Variants in MAGI2 observed in about 807,000 individuals in gnomAD.
MAGI2 encodes membrane-associated guanylate kinase, WW and PDZ domain-containing protein 2.
A neutral mutation model predicts 133.3 loss-of-function variants in MAGI2; 35 were observed. That is an observed-to-expected ratio of 0.26 (90% CI 0.20 to 0.35). MAGI2 has a LOEUF of 0.35. MAGI2 is among the 10% of genes least tolerant of loss of function. The probability of loss-of-function intolerance (pLI) is 1.00; values close to 1 mark genes in which losing one functional copy is unlikely to be tolerated. For missense variants in MAGI2, 1,636 were observed against 1,863.4 expected (o/e 0.88, Z 2.25); for synonymous variants, 729 against 710.6 (o/e 1.03, Z -0.41).
intron 5 of MAGI2, among the ~76,000 whole-genome samples, chr7:78,493,357 C>A (rs1288719228): frequency 6.6e-6 from 1 of 152,198 alleles, no homozygotes; most frequent in Non-Finnish European, 1.5e-5. Context: ...AAGCTATTTA[C>A]AGTGCAGCAC....
chr7:78,393,777 T>C (rs1437731071), intron 6 of MAGI2, among the ~76,000 whole-genome samples: 2 of 152,148 alleles, frequency 1.3e-5, no homozygotes, highest in African/African-American at 4.8e-5. Context: ...TGCACGACAT[T>C]GCCTAAGGGA....
chr7:78,467,118 C>T (rs112310881), intron 6 of MAGI2, among the ~76,000 whole-genome samples: 6,590 of 152,222 alleles, frequency 0.043, 206 homozygotes, highest in Non-Finnish European at 0.064. Flanking sequence ...CGAGGAGATG[C>T]AAACCCAGGC....
In MAGI2 at chr7:78,018,663, C is replaced by A. The variant is rs1367455959; in HGVS notation, c.*652G>T. 1 of 152,878 alleles carries A rather than the reference C, an allele frequency of 6.5e-6. No homozygotes were observed. The highest frequency in any genetic ancestry group is 1.9e-4 in the East Asian group (1 of 5,198). The allele number at this position is 152,878 out of a possible 1,614,324, so 9.5% of individuals were successfully genotyped here. A position where few individuals can be genotyped will look rare whatever the true frequency, so the allele number is the denominator to read the frequency against. On this transcript the variant is annotated 3_prime_UTR_variant, in exon 22 of 22. Coordinates refer to ENST00000354212, the MANE Select transcript of MAGI2 (RefSeq NM_012301.4). Reference sequence around the variant, plus strand: ...AGAAAGGGCAATAAAAATGGCATCACACCAAGAAACTCACTAGATTTCTAA... The same window carrying A: ...AGAAAGGGCAATAAAAATGGCATCAAACCAAGAAACTCACTAGATTTCTAA...
intron 1 of MAGI2, among the ~76,000 whole-genome samples, chr7:79,214,403 CTCTCTA>C (rs1426863772): frequency 4.3e-3 from 179 of 41,356 alleles, no homozygotes; most frequent in Admixed American, 5.6e-3. Context: ...CTCTCTCTCT[CTCTCTA>C]TATATATATA....
At chr7:79,407,134 A>G (rs1845859608) in intron 1 of MAGI2, among the ~76,000 whole-genome samples, 2 of 152,162 alleles carry the variant, frequency 1.3e-5, no homozygotes, top group South Asian at 4.1e-4. Context: ...GTAAAATGTA[A>G]TAACAGTGCA....
chr7:79,021,576 G>C (rs1809336431), intron 1 of MAGI2, among the ~76,000 whole-genome samples: 1 of 152,170 alleles, frequency 6.6e-6, no homozygotes. Context: ...CCCTTGTTTA[G>C]GCCAATTTCT....
intron 1 of MAGI2, among the ~76,000 whole-genome samples, chr7:79,372,678 C>T (rs1843121722): frequency 6.6e-6 from 1 of 152,002 alleles, no homozygotes; most frequent in Non-Finnish European, 1.5e-5. Context: ...ATTCCTGGGT[C>T]ACTGACCATC....
rs371790069 is a variant in MAGI2, at chr7:78,060,600, C to T, written c.3706+18347G>A. Among the ~76,000 whole-genome samples the T allele has an allele frequency of 4.7e-4, 71 of 152,306 alleles. 1 individual carries two copies. In the East Asian group the frequency reaches 0.012, roughly 26 times the overall value. ...AGCATGAGGGCTATGAGACTTCAGA[C>T]GACTGAGAGATCCCTTCTGATTGCC... On this transcript the variant is annotated intron_variant, in intron 21 of 21. Coordinates refer to ENST00000354212, the MANE Select transcript of MAGI2 (RefSeq NM_012301.4).
intron 1 of MAGI2, among the ~76,000 whole-genome samples, chr7:79,123,317 C>A (rs1413461089): frequency 6.6e-6 from 1 of 152,056 alleles, no homozygotes; most frequent in African/African-American, 2.4e-5. Flanking sequence ...GGAAACAGGG[C>A]TAATATGAGG....
chr7:79,081,999 C>T (rs564896032), intron 1 of MAGI2, among the ~76,000 whole-genome samples: 1 of 151,958 alleles, frequency 6.6e-6, no homozygotes, highest in South Asian at 2.1e-4. Context: ...GTGGAATTAC[C>T]GAGTCATAGG....
intron 2 of MAGI2, among the ~76,000 whole-genome samples, chr7:78,804,831 G>A (rs915956923): frequency 4.6e-5 from 7 of 151,264 alleles, no homozygotes; most frequent in Admixed American, 1.3e-4. Context: ...ACTTTGGGAA[G>A]CCGAGGCGGG....
chr7:78,065,438 G>T, intron 21 of MAGI2: 4 of 568,584 alleles, frequency 7.0e-6, no homozygotes, highest in Non-Finnish European at 9.2e-6. Context: ...TAAGGTCTGA[G>T]CTATACATAT....
At chr7:78,029,106 A>C (rs1809285872) in intron 21 of MAGI2, among the ~76,000 whole-genome samples, 1 of 152,100 alleles carries the variant, frequency 6.6e-6, no homozygotes, top group Non-Finnish European at 1.5e-5. Context: ...ATACCTGGAC[A>C]GTGCACTGTA....
rs532241070 is a variant in MAGI2, at chr7:79,297,023, T to C, written c.301+155997A>G. Among the ~76,000 whole-genome samples the C allele has an allele frequency of 4.6e-5, 7 of 152,286 alleles. No homozygotes were observed. The East Asian group carries it at 1.3e-3, about 29-fold the overall frequency. On this transcript the variant is annotated intron_variant, in intron 1 of 21. Coordinates refer to ENST00000354212, the MANE Select transcript of MAGI2 (RefSeq NM_012301.4). ...AATATGTACAATTATGTGTCAGTTA[T>C]AAATAAAGTAAAACAAAAAATAACC...
chr7:78,656,591 G>A (rs1281412534), intron 2 of MAGI2, among the ~76,000 whole-genome samples: 2 of 152,160 alleles, frequency 1.3e-5, no homozygotes, highest in Non-Finnish European at 2.9e-5. Context: ...TATGTAAAAT[G>A]TAAATCTAGA....
chr7:79,372,056 G>T (rs1271524147), intron 1 of MAGI2, among the ~76,000 whole-genome samples: 1 of 151,944 alleles, frequency 6.6e-6, no homozygotes, highest in Non-Finnish European at 1.5e-5. Context: ...CTATTTTATG[G>T]GTAAAAAACT....
At chr7:78,704,749 C>T (rs1347022264) in intron 2 of MAGI2, among the ~76,000 whole-genome samples, 1 of 145,858 alleles carries the variant, frequency 6.9e-6, no homozygotes, top group Non-Finnish European at 1.5e-5. Flanking sequence ...GTCTTGGCTG[C>T]AACATGGAAG....
At chr7:78,373,475 A>C (rs1794129351) in intron 6 of MAGI2, among the ~76,000 whole-genome samples, 1 of 152,176 alleles carries the variant, frequency 6.6e-6, no homozygotes, top group Admixed American at 6.5e-5. Flanking sequence ...GCCACTTTGT[A>C]GTATTTTTGT....
intron 9 of MAGI2, among the ~76,000 whole-genome samples, chr7:78,319,424 A>C (rs1420184214): frequency 2.0e-5 from 3 of 152,176 alleles, no homozygotes; most frequent in African/African-American, 7.2e-5. Context: ...AAATCATAAC[A>C]GTGTCTCACA....
Sources: allele counts gnomAD v4.1 joint callset (sites outside exome capture counted in the v4.1 genomes callset), GRCh38; gene constraint gnomAD v4.1.1; transcripts MANE v1.5; gene names NCBI Gene and HGNC (gene_info 2026-07-23, HGNC 2026-07-21).